The following SIPA1L2 variants were observed in gnomAD, a reference collection of about 807,000 sequenced individuals.
SIPA1L2 encodes signal induced proliferation associated 1 like 2, also known as signal-induced proliferation-associated 1-like protein 2.
A neutral mutation model predicts 163.9 loss-of-function variants in SIPA1L2; 56 were observed. The ratio of observed to expected loss-of-function variants is 0.34; its 90% CI spans 0.28 to 0.43. The LOEUF is 0.43. SIPA1L2 is among the 20% of genes least tolerant of loss of function. The probability of loss-of-function intolerance (pLI) is 1.00; values close to 1 mark genes in which losing one functional copy is unlikely to be tolerated. For missense variants in SIPA1L2, 1,974 were observed against 2,193.5 expected, an observed-to-expected ratio of 0.90 and a Z score of 2.00; for synonymous variants, 877 against 865.7, an observed-to-expected ratio of 1.01 and a Z score of -0.23.
intron 1 of SIPA1L2, among the ~76,000 whole-genome samples, chr1:232,611,151 T>C (rs1662215312): frequency 6.6e-6 from 1 of 152,192 alleles, no homozygotes; most frequent in Non-Finnish European, 1.5e-5. Context: ...TTCTCCTGCC[T>C]CTGCCATGTA....
chr1:232,460,438 T>C (rs964487989), intron 10 of SIPA1L2, among the ~76,000 whole-genome samples: 3 of 152,214 alleles, frequency 2.0e-5, no homozygotes, highest in African/African-American at 4.8e-5. Flanking sequence ...CATTCTTTCA[T>C]ACCTACAACT....
rs115639058 is a variant in SIPA1L2 at position 232,400,057 on chromosome 1, C to T, written c.5023-784G>A. On this transcript the variant is annotated intron_variant, in intron 22 of 22. Coordinates refer to ENST00000674635, the MANE Select transcript of SIPA1L2 (RefSeq NM_020808.5). ...TCCTGCCCTCAAGGCTTCCTCGTTTCCTGAGCCCTTCCAAGGCCCTCCTCA... is the reference window on the plus strand; with the variant it reads ...TCCTGCCCTCAAGGCTTCCTCGTTTTCTGAGCCCTTCCAAGGCCCTCCTCA... Among the ~76,000 whole-genome samples, 1,324 of 152,298 alleles carry T rather than the reference C, an allele frequency of 8.7e-3. 21 individuals carry two copies. Among genetic ancestry groups the T allele is most frequent in the African/African-American group, 0.03 (1,251 of 41,546 alleles).
At chr1:232,407,425 G>C (rs1015619138) in intron 19 of SIPA1L2, among the ~76,000 whole-genome samples, 9 of 152,180 alleles carry the variant, frequency 5.9e-5, no homozygotes, top group Non-Finnish European at 1.2e-4. Context: ...CTTCATAACA[G>C]AAAAAGTTCT....
chr1:232,541,175 G>A (rs1447711913), intron 2 of SIPA1L2, among the ~76,000 whole-genome samples: 1 of 152,088 alleles, frequency 6.6e-6, no homozygotes, highest in Non-Finnish European at 1.5e-5. Context: ...GTTGATAGGT[G>A]CAGCAAACCA....
intron 5 of SIPA1L2, among the ~76,000 whole-genome samples, chr1:232,486,991 TATTTAAC>T (rs1665676788): frequency 6.6e-6 from 1 of 152,244 alleles, no homozygotes; most frequent in African/African-American, 2.4e-5. Flanking sequence ...CAGCAACCTT[TATTTAAC>T]TGTTTGATAA....
chr1:232,484,574 AC>A (rs1665551130), intron 5 of SIPA1L2, among the ~76,000 whole-genome samples: 1 of 152,206 alleles, frequency 6.6e-6, no homozygotes, highest in East Asian at 1.9e-4. Flanking sequence ...TTCATTTGTT[AC>A]ATTTTTTACT....
intron 19 of SIPA1L2, among the ~76,000 whole-genome samples, chr1:232,410,563 C>T (rs911798656): frequency 7.7e-5 from 11 of 143,726 alleles, no homozygotes; most frequent in Admixed American, 3.6e-4. Context: ...TATATATATA[C>T]GCAAGGGCAT....
intron 2 of SIPA1L2, among the ~76,000 whole-genome samples, chr1:232,520,612 C>T (rs558331518): frequency 8.1e-4 from 124 of 152,158 alleles, no homozygotes; most frequent in African/African-American, 2.6e-3. Flanking sequence ...GCACAAATTA[C>T]GAGCCCCATT....
At chr1:232,616,137 A>T (rs1662487274) in intron 1 of SIPA1L2, among the ~76,000 whole-genome samples, 1 of 152,176 alleles carries the variant, frequency 6.6e-6, no homozygotes, top group Non-Finnish European at 1.5e-5. Flanking sequence ...GATCTATCCA[A>T]AATGTGTTCT....
intron 2 of SIPA1L2, among the ~76,000 whole-genome samples, chr1:232,540,646 G>C (rs1012438271): frequency 1.3e-5 from 2 of 152,100 alleles, no homozygotes; most frequent in Non-Finnish European, 2.9e-5. Context: ...AGGAAAGGGA[G>C]AAGGGCAAGC....
chr1:232,478,380 G>A (rs1665151950), intron 7 of SIPA1L2, among the ~76,000 whole-genome samples: 1 of 152,150 alleles, frequency 6.6e-6, no homozygotes, highest in South Asian at 2.1e-4. Flanking sequence ...GGGGTCAGAG[G>A]CCTGCTTTCT....
At chr1:232,573,746 C>T (rs973834848) in intron 2 of SIPA1L2, among the ~76,000 whole-genome samples, 3 of 152,272 alleles carry the variant, frequency 2.0e-5, no homozygotes, top group South Asian at 2.1e-4. Context: ...TTCCTCACAA[C>T]GGCCGCTCTC....
chr1:232,564,922 A>G (rs1010928125), intron 2 of SIPA1L2, among the ~76,000 whole-genome samples: 1 of 152,148 alleles, frequency 6.6e-6, no homozygotes, highest in Non-Finnish European at 1.5e-5. Flanking sequence ...GAGAGGAGGG[A>G]GAGCATCAGG....
chr1:232,504,828 G>C (rs1222517205), intron 3 of SIPA1L2, among the ~76,000 whole-genome samples: 1 of 152,178 alleles, frequency 6.6e-6, no homozygotes, highest in Non-Finnish European at 1.5e-5. Context: ...ACAACACTGA[G>C]GCAGAAAGGT....
intron 1 of SIPA1L2, among the ~76,000 whole-genome samples, chr1:232,586,479 C>T (rs953433306): frequency 4.6e-5 from 7 of 152,166 alleles, no homozygotes; most frequent in Admixed American, 2.6e-4. Context: ...ACGACTCCAA[C>T]CTGAGTGTTC....
chr1:232,417,096 A>C (rs1661307304), intron 18 of SIPA1L2, among the ~76,000 whole-genome samples: 1 of 152,222 alleles, frequency 6.6e-6, no homozygotes, highest in South Asian at 2.1e-4. Context: ...AATTATGTTA[A>C]GTAAGGGGGC....
intron 7 of SIPA1L2, among the ~76,000 whole-genome samples, chr1:232,475,449 C>A (rs1365284899): frequency 6.6e-6 from 1 of 152,140 alleles, no homozygotes; most frequent in African/African-American, 2.4e-5. Flanking sequence ...AGAGTTTGCA[C>A]CAGTAGTTAG....
At chr1:232,473,529 C>A (rs1664897934) in intron 7 of SIPA1L2, among the ~76,000 whole-genome samples, 1 of 152,180 alleles carries the variant, frequency 6.6e-6, no homozygotes, top group Non-Finnish European at 1.5e-5. Context: ...CAGCAAATTG[C>A]ACAGTTATTC....
intron 18 of SIPA1L2, among the ~76,000 whole-genome samples, chr1:232,416,240 C>A (rs1661256353): frequency 6.6e-6 from 1 of 152,208 alleles, no homozygotes. Context: ...CCCAAAGTGG[C>A]CAAGATAATT....
Sources: gnomAD v4.1 joint callset for allele counts (sites outside exome capture counted in the v4.1 genomes callset) on GRCh38, gnomAD v4.1.1 for gene constraint, MANE v1.5 for transcripts, NCBI Gene and HGNC (gene_info 2026-07-23, HGNC 2026-07-21) for gene names.